UVRAG: variants seen among roughly 807,000 people sequenced by gnomAD.
UVRAG encodes UV radiation resistance-associated gene protein.
Under a neutral mutation model 78.0 loss-of-function variants are expected in UVRAG, and 19 were observed. The observed-to-expected ratio is 0.24, with a 90% CI of 0.17 to 0.36. The LOEUF is 0.36. Among genes scored for constraint, UVRAG ranks in the 10% least tolerant of loss-of-function variants. The probability of loss-of-function intolerance (pLI) is 1.00; values close to 1 mark genes in which losing one functional copy is unlikely to be tolerated. For synonymous variants in UVRAG, 323 were observed against 324.6 expected, an observed-to-expected ratio of 1.00 and a Z score of 0.05; for missense variants, 740 against 853.8, an observed-to-expected ratio of 0.87 and a Z score of 1.66.
At chr11:76,082,055 A>G (rs1951505025) in intron 13 of UVRAG, among the ~76,000 whole-genome samples, 1 of 152,142 alleles carries the variant, frequency 6.6e-6, no homozygotes, top group Non-Finnish European at 1.5e-5. Context: ...GGTAGTGACT[A>G]ACTACCTCTG....
At chr11:75,980,608 A>G (rs1433494984) in intron 7 of UVRAG, among the ~76,000 whole-genome samples, 1 of 151,566 alleles carries the variant, frequency 6.6e-6, no homozygotes, top group African/African-American at 2.4e-5. Context: ...TGTGAGATCA[A>G]TTGTGATAAC....
intron 6 of UVRAG, among the ~76,000 whole-genome samples, chr11:75,930,593 A>G (rs1565384874): frequency 6.6e-6 from 1 of 152,236 alleles, no homozygotes; most frequent in South Asian, 2.1e-4. Flanking sequence ...TGTGTTAAGC[A>G]TTCCAATTTT....
chr11:76,108,910 A>G (rs900125571), intron 13 of UVRAG, among the ~76,000 whole-genome samples: 3 of 152,192 alleles, frequency 2.0e-5, no homozygotes, highest in Non-Finnish European at 4.4e-5. Flanking sequence ...TTGGTTGCCT[A>G]CTAGCCATAG....
chr11:75,982,658 G>A (rs984937550), intron 7 of UVRAG, among the ~76,000 whole-genome samples: 19 of 152,142 alleles, frequency 1.2e-4, no homozygotes, highest in African/African-American at 4.6e-4. Flanking sequence ...ACGGGCAGGG[G>A]GGTTAGAGCA....
At chr11:75,838,164 A>G (rs1442947283) in intron 1 of UVRAG, among the ~76,000 whole-genome samples, 5 of 152,196 alleles carry the variant, frequency 3.3e-5, no homozygotes, top group Admixed American at 6.5e-5. Context: ...CATGTTATGT[A>G]TTCTTTATGG....
chr11:76,051,063 A>G (rs953327469), intron 12 of UVRAG, among the ~76,000 whole-genome samples: 1 of 152,228 alleles, frequency 6.6e-6, no homozygotes, highest in Non-Finnish European at 1.5e-5. Flanking sequence ...GAAGCAATTT[A>G]TAGACAATAT....
chr11:76,109,201 G>A (rs977906890), intron 13 of UVRAG, among the ~76,000 whole-genome samples: 2 of 152,142 alleles, frequency 1.3e-5, no homozygotes, highest in African/African-American at 2.4e-5. Flanking sequence ...GGGAAGTGTG[G>A]GATTGATAAT....
At chr11:76,134,546 G>A (rs1952568717) in intron 14 of UVRAG, among the ~76,000 whole-genome samples, 1 of 152,114 alleles carries the variant, frequency 6.6e-6, no homozygotes, top group Admixed American at 6.5e-5. Context: ...CTGTATAAGA[G>A]AAACAGTAAA....
intron 8 of UVRAG, among the ~76,000 whole-genome samples, chr11:75,985,391 A>T (rs571328091): frequency 3.4e-4 from 51 of 149,046 alleles, no homozygotes; most frequent in African/African-American, 1.3e-3. Flanking sequence ...GCCCATTAAT[A>T]AAAAAAGTTT....
chr11:76,067,815 C>T (rs1321766374), intron 13 of UVRAG, among the ~76,000 whole-genome samples: 2 of 151,950 alleles, frequency 1.3e-5, no homozygotes, highest in South Asian at 2.1e-4. Context: ...AATTAGAGGG[C>T]TCCTCCAGCG....
chr11:76,055,885 A>G (rs1288694127), intron 12 of UVRAG, among the ~76,000 whole-genome samples: 3 of 151,882 alleles, frequency 2.0e-5, no homozygotes, highest in Admixed American at 2.0e-4. Context: ...AATTTTTTGT[A>G]TTTTTAGTAG....
chr11:75,984,672 C>T (rs941900090), intron 8 of UVRAG, among the ~76,000 whole-genome samples: 1 of 152,160 alleles, frequency 6.6e-6, no homozygotes, highest in African/African-American at 2.4e-5. Context: ...CATCTCCAGC[C>T]AGACTAGCCA....
At chr11:75,872,047 A>G (rs974283961) in intron 3 of UVRAG, among the ~76,000 whole-genome samples, 1 of 152,192 alleles carries the variant, frequency 6.6e-6, no homozygotes, top group African/African-American at 2.4e-5. Flanking sequence ...GATGGGATAT[A>G]TTTGATCTAA....
Position 75,945,646 on chromosome 11 carries a change from A to G in UVRAG, c.594-15798A>G, listed in dbSNP as rs548605898. Among the ~76,000 whole-genome samples the G allele has an allele frequency of 8.5e-5, 13 of 152,180 alleles. No homozygotes were observed. In the South Asian group the frequency reaches 2.3e-3, roughly 27 times the overall value. On this transcript the variant is annotated intron_variant, in intron 6 of 14. Coordinates refer to ENST00000356136, the MANE Select transcript of UVRAG (RefSeq NM_003369.4). ...TGACTTATTTATTTGCCTTGAGAGT[A>G]AAGCTCCTTATCCTAATATACCAGG...
chr11:75,897,573 G>A (rs1181607727), intron 5 of UVRAG, among the ~76,000 whole-genome samples: 1 of 152,114 alleles, frequency 6.6e-6, no homozygotes, highest in African/African-American at 2.4e-5. Context: ...CACCCAGGCT[G>A]GAGTGCAGTG....
chr11:75,828,569 C>A (rs1945570801), intron 1 of UVRAG, among the ~76,000 whole-genome samples: 1 of 151,146 alleles, frequency 6.6e-6, no homozygotes, highest in African/African-American at 2.4e-5. Flanking sequence ...TCTTGACCTC[C>A]CTGGGCTTAG....
intron 13 of UVRAG, among the ~76,000 whole-genome samples, chr11:76,078,690 T>G (rs886555286): frequency 7.2e-6 from 1 of 138,494 alleles, no homozygotes; most frequent in Non-Finnish European, 1.5e-5. Context: ...GATCACGAGG[T>G]CAGGAGATTG....
chr11:75,969,141 G>A (rs894620094), intron 7 of UVRAG, among the ~76,000 whole-genome samples: 4 of 151,904 alleles, frequency 2.6e-5, no homozygotes, highest in Admixed American at 1.3e-4. Flanking sequence ...CTAACTCCTC[G>A]CCTCCCTCTA....
chr11:76,058,707 G>A (rs551211468), intron 12 of UVRAG, among the ~76,000 whole-genome samples: 1 of 152,222 alleles, frequency 6.6e-6, no homozygotes, highest in Admixed American at 6.5e-5. Context: ...TACCACCAGA[G>A]CATGAGATAA....
Sources: allele counts gnomAD v4.1 joint callset (sites outside exome capture counted in the v4.1 genomes callset), GRCh38; gene constraint gnomAD v4.1.1; transcripts MANE v1.5; gene names NCBI Gene and HGNC (gene_info 2026-07-23, HGNC 2026-07-21).